Variants in RBFOX1 observed in about 807,000 individuals in gnomAD.
RBFOX1 encodes the protein RNA binding fox-1 homolog 1.
A neutral mutation model predicts 57.7 loss-of-function variants in RBFOX1; 8 were observed. That is an observed-to-expected ratio of 0.14 (90% CI 0.08 to 0.25). The LOEUF (loss-of-function observed/expected upper bound fraction) is 0.25. Among genes scored for constraint, RBFOX1 ranks in the 10% least tolerant of loss-of-function variants. The pLI is 1.00. For missense variants in RBFOX1, 611 were observed against 548.5 expected (o/e 1.11, Z -1.14); for synonymous variants, 326 against 222.4 (o/e 1.47, Z -4.15).
At chr16:7,301,302 G>A (rs901162742) in intron 4 of RBFOX1, among the ~76,000 whole-genome samples, 2 of 152,208 alleles carry the variant, frequency 1.3e-5, no homozygotes, top group Non-Finnish European at 2.9e-5. Flanking sequence ...GTCCCTGTGT[G>A]TGATTGTGTT....
intron 4 of RBFOX1, among the ~76,000 whole-genome samples, chr16:7,485,989 C>T (rs1299939595): frequency 2.0e-5 from 3 of 152,168 alleles, no homozygotes; most frequent in African/African-American, 4.8e-5. Context: ...ATGTATGCCC[C>T]ATAGAGCTGA....
Position 7,004,653 on chromosome 16 carries a change from C to G in RBFOX1, c.-15-47404C>G, listed in dbSNP as rs139169391. ...AGCCTCAACATTGGTATTCCATTGTCTGGGCATTTTTTCTATATAGGGAAA... is the reference window on the plus strand; with the variant it reads ...AGCCTCAACATTGGTATTCCATTGTGTGGGCATTTTTTCTATATAGGGAAA... On this transcript the variant is annotated intron_variant, in intron 3 of 15. Coordinates refer to ENST00000550418, the MANE Select transcript of RBFOX1 (RefSeq NM_018723.4). Among the ~76,000 whole-genome samples, 329 of 152,290 alleles carry G rather than the reference C, an allele frequency of 2.2e-3. 3 individuals carry two copies. The highest frequency in any genetic ancestry group is 7.6e-3 in the African/African-American group (316 of 41,568).
At chr16:5,435,043 T>A (rs2067873958) in intron 1 of RBFOX1, among the ~76,000 whole-genome samples, 1 of 152,228 alleles carries the variant, frequency 6.6e-6, no homozygotes, top group Non-Finnish European at 1.5e-5. Flanking sequence ...ATAGATTGAT[T>A]TTAAAAATTG....
At chr16:7,624,697 G>T (rs1015907358) in intron 10 of RBFOX1, among the ~76,000 whole-genome samples, 2 of 152,298 alleles carry the variant, frequency 1.3e-5, no homozygotes, top group East Asian at 3.9e-4. Context: ...GGGTTCTAGG[G>T]TTCTCCTCTT....
intron 4 of RBFOX1, among the ~76,000 whole-genome samples, chr16:7,279,265 C>G (rs1180714041): frequency 6.6e-6 from 1 of 151,976 alleles, no homozygotes; most frequent in African/African-American, 2.4e-5. Flanking sequence ...TAACATGTCA[C>G]TTGGGCAAAG....
intron 3 of RBFOX1, among the ~76,000 whole-genome samples, chr16:6,846,919 A>AC (rs979766978): frequency 7.0e-5 from 10 of 143,086 alleles, no homozygotes; most frequent in African/African-American, 2.7e-4. Flanking sequence ...ACCCTAGGAA[A>AC]CAAAAAAAAA....
In RBFOX1 at chr16:7,006,681, C is replaced by G. The variant is rs906240630; in HGVS notation, c.-15-45376C>G. On this transcript the variant is annotated intron_variant, in intron 3 of 15. Coordinates refer to ENST00000550418, the MANE Select transcript of RBFOX1 (RefSeq NM_018723.4). ...CATTCTGATCTTGAACTCCTGGACT[C>G]AAGTGATCGTCCTTCCTTGGTCTCC... Among the ~76,000 whole-genome samples the G allele has an allele frequency of 2.6e-5, 4 of 152,152 alleles. No individual in the cohort carries two copies. The South Asian group carries it at 6.2e-4, about 24-fold the overall frequency.
intron 3 of RBFOX1, among the ~76,000 whole-genome samples, chr16:5,787,959 A>G (rs746621082): frequency 6.6e-6 from 1 of 152,246 alleles, no homozygotes; most frequent in African/African-American, 2.4e-5. Context: ...GCTGGGCTCC[A>G]GACTGTTCAA....
chr16:7,341,030 T>G (rs1014365786), intron 4 of RBFOX1, among the ~76,000 whole-genome samples: 1 of 152,190 alleles, frequency 6.6e-6, no homozygotes, highest in Non-Finnish European at 1.5e-5. Flanking sequence ...CTTTTGATGG[T>G]GGAGCAGAGT....
At chr16:7,590,518 G>A (rs899457005) in intron 7 of RBFOX1, among the ~76,000 whole-genome samples, 1 of 151,926 alleles carries the variant, frequency 6.6e-6, no homozygotes, top group Non-Finnish European at 1.5e-5. Context: ...CCTCTGATAT[G>A]GTCTATTTAA....
chr16:6,884,247 G>A (rs1010634644), intron 3 of RBFOX1, among the ~76,000 whole-genome samples: 9 of 152,176 alleles, frequency 5.9e-5, no homozygotes, highest in African/African-American at 9.7e-5. Context: ...CCCAGGGAGC[G>A]TGGCAATAAG....
chr16:7,463,829 C>G (rs190645430), intron 4 of RBFOX1, among the ~76,000 whole-genome samples: 1 of 152,168 alleles, frequency 6.6e-6, no homozygotes, highest in Non-Finnish European at 1.5e-5. Flanking sequence ...TCACTCTATA[C>G]CAGCCACTGA....
chr16:5,417,352 G>T (rs899306926), intron 1 of RBFOX1, among the ~76,000 whole-genome samples: 4 of 152,152 alleles, frequency 2.6e-5, no homozygotes, highest in Admixed American at 1.3e-4. Flanking sequence ...TGACATTTTA[G>T]GTAATTCAGT....
intron 1 of RBFOX1, among the ~76,000 whole-genome samples, chr16:6,187,490 G>A (rs1004751897): frequency 1.3e-4 from 20 of 152,116 alleles, no homozygotes; most frequent in Admixed American, 1.3e-4. Context: ...TTCTAATGAT[G>A]GGGAATTTAA....
At chr16:5,981,582 C>G (rs939205451) in intron 4 of RBFOX1, among the ~76,000 whole-genome samples, 1 of 152,132 alleles carries the variant, frequency 6.6e-6, no homozygotes, top group Non-Finnish European at 1.5e-5. Context: ...GATTCTCCTG[C>G]TTCAGCCTCA....
intron 2 of RBFOX1, among the ~76,000 whole-genome samples, chr16:5,480,786 C>T (rs1052511360): frequency 1.3e-5 from 2 of 152,208 alleles, no homozygotes; most frequent in Non-Finnish European, 2.9e-5. Context: ...TGCCTTTCTT[C>T]TCAGTGCATG....
At chr16:6,230,194 T>C (rs2097448176) in intron 1 of RBFOX1, among the ~76,000 whole-genome samples, 1 of 152,218 alleles carries the variant, frequency 6.6e-6, no homozygotes, top group South Asian at 2.1e-4. Context: ...GAGATGAAGT[T>C]AAGCAATTAG....
chr16:7,000,991 A>G (rs1305172168), intron 3 of RBFOX1, among the ~76,000 whole-genome samples: 1 of 152,178 alleles, frequency 6.6e-6, no homozygotes, highest in Non-Finnish European at 1.5e-5. Flanking sequence ...TTTATCAGTC[A>G]CTAGCAACCA....
chr16:6,454,920 G>T (rs2094728625), intron 2 of RBFOX1, among the ~76,000 whole-genome samples: 3 of 132,748 alleles, frequency 2.3e-5, no homozygotes, highest in African/African-American at 5.7e-5. Flanking sequence ...GTCTCGCCCT[G>T]TCACCCAGGC....
Sources: gnomAD v4.1 joint callset for allele counts (sites outside exome capture counted in the v4.1 genomes callset) on GRCh38, gnomAD v4.1.1 for gene constraint, MANE v1.5 for transcripts, NCBI Gene and HGNC (gene_info 2026-07-23, HGNC 2026-07-21) for gene names.